The following HDAC9 variants were observed in gnomAD, a reference collection of about 807,000 sequenced individuals.
The protein encoded by HDAC9 is MEF-2 interacting transcription repressor (MITR) protein.
A neutral mutation model predicts 139.4 loss-of-function variants in HDAC9; 41 were observed. The ratio of observed to expected loss-of-function variants is 0.29; its 90% confidence interval spans 0.23 to 0.38. The LOEUF is 0.38. Among genes scored for constraint, HDAC9 ranks in the 10% least tolerant of loss-of-function variants. The probability of loss-of-function intolerance (pLI) is 1.00; values close to 1 mark genes in which losing one functional copy is unlikely to be tolerated. For missense variants in HDAC9, 1,147 were observed against 1,297.0 expected (o/e 0.88, Z 1.78); for synonymous variants, 517 against 476.2 (o/e 1.09, Z -1.12).
chr7:18,479,984 C>CTT lies in HDAC9; in HGVS notation c.-41-16261_-41-16260dup, dbSNP rs753734278. Among the ~76,000 whole-genome samples, 990 of 116,126 alleles carry CTT rather than the reference C, an allele frequency of 8.5e-3. 15 individuals carry two copies. Among genetic ancestry groups the CTT allele is most frequent in the African/African-American group, 0.029 (907 of 31,496 alleles). 76.2% of individuals were successfully genotyped at this position (116,126 alleles called of 152,430 possible). ...CTTTATTTTATAAATTCCACTCTGT[C>CTT]TTTTTTTTTTTTTTTTTTCTGGAAG... On this transcript the variant is annotated intron_variant, in intron 1 of 3. Coordinates refer to the HDAC9 transcript ENST00000413509.
rs74747904 is a variant in HDAC9 at position 18,678,103 on chromosome 7, T to C, written c.1731+11627T>C. On this transcript the variant is annotated intron_variant, in intron 12 of 25. Coordinates refer to ENST00000686413, the MANE Select transcript of HDAC9 (RefSeq NM_178425.4). ...TTCTGGTCTATTTGTTAGAAATCAA[T>C]TGAACATATAAATGTTAGCAGATTT... is the stretch of plus-strand genomic sequence containing the variant. Among the ~76,000 whole-genome samples the C allele has an allele frequency of 4.8e-3, 727 of 152,042 alleles. 6 individuals carry two copies. Among genetic ancestry groups the C allele is most frequent in the African/African-American group, 0.017 (690 of 41,550 alleles).
chr7:18,291,594 G>T (rs1043815414), intron 1 of HDAC9, among the ~76,000 whole-genome samples: 2 of 151,950 alleles, frequency 1.3e-5, no homozygotes, highest in Non-Finnish European at 2.9e-5. Flanking sequence ...GAAAGCCAAA[G>T]GTTGTATCTG....
chr7:18,508,876 G>T (rs1800597445), intron 2 of HDAC9, among the ~76,000 whole-genome samples: 1 of 152,096 alleles, frequency 6.6e-6, no homozygotes, highest in Non-Finnish European at 1.5e-5. Flanking sequence ...GTAGATCATG[G>T]GTCAAATCAC....
intron 12 of HDAC9, among the ~76,000 whole-genome samples, chr7:18,670,038 A>G (rs981113981): frequency 6.6e-6 from 1 of 151,828 alleles, no homozygotes; most frequent in Non-Finnish European, 1.5e-5. Context: ...AGATAGATAT[A>G]TATAGAGTAT....
intron 1 of HDAC9, among the ~76,000 whole-genome samples, chr7:18,132,368 A>T (rs1352879955): frequency 6.6e-6 from 1 of 152,156 alleles, no homozygotes; most frequent in Non-Finnish European, 1.5e-5. Flanking sequence ...GAATATATTC[A>T]AAAGTTGTGA....
At chr7:18,446,681 T>C (rs1302118195) in intron 1 of HDAC9, among the ~76,000 whole-genome samples, 1 of 152,230 alleles carries the variant, frequency 6.6e-6, no homozygotes, top group Non-Finnish European at 1.5e-5. Flanking sequence ...TTTACAAATA[T>C]ACACGTTCTT....
intron 12 of HDAC9, among the ~76,000 whole-genome samples, chr7:18,697,457 ATCTC>A (rs1184358703): frequency 1.5e-4 from 23 of 152,228 alleles, no homozygotes; most frequent in African/African-American, 5.1e-4. Context: ...CCTAGTCTCA[ATCTC>A]TCTTTCTTTG....
chr7:18,474,542 C>T (rs1412299237), intron 1 of HDAC9, among the ~76,000 whole-genome samples: 1 of 151,872 alleles, frequency 6.6e-6, no homozygotes, highest in Admixed American at 6.6e-5. Flanking sequence ...ATAGTTTTTT[C>T]CTTTGGGGGA....
chr7:18,610,750 C>T (rs1335278614), intron 6 of HDAC9, among the ~76,000 whole-genome samples: 1 of 152,190 alleles, frequency 6.6e-6, no homozygotes, highest in Non-Finnish European at 1.5e-5. Context: ...ATCGTAAGCA[C>T]TTCAACTCAA....
intron 11 of HDAC9, among the ~76,000 whole-genome samples, chr7:18,651,809 C>T (rs1363653610): frequency 6.6e-6 from 1 of 152,000 alleles, no homozygotes; most frequent in Admixed American, 6.6e-5. Flanking sequence ...TTGCCTCTTA[C>T]AGTTACGGTG....
intron 21 of HDAC9, among the ~76,000 whole-genome samples, chr7:18,867,516 A>G (rs1200086614): frequency 2.0e-5 from 3 of 152,222 alleles, no homozygotes; most frequent in Non-Finnish European, 2.9e-5. Context: ...TTAAAGTTTA[A>G]AAATAATTTT....
chr7:18,829,014 G>T, intron 17 of HDAC9, 147 bp from the exon 18 acceptor site: 1 of 668,088 alleles, frequency 1.5e-6, no homozygotes, highest in Non-Finnish European at 2.8e-6. Flanking sequence ...GACTGGCAAT[G>T]GGGGAACAAA....
At chr7:18,880,148 C>A (rs1260018418) in intron 22 of HDAC9, among the ~76,000 whole-genome samples, 2 of 151,920 alleles carry the variant, frequency 1.3e-5, no homozygotes, top group Admixed American at 1.3e-4. Flanking sequence ...AAGAAAAAGT[C>A]AAAAAATAAC....
chr7:18,696,278 CAA>C (rs1210304332), intron 12 of HDAC9, among the ~76,000 whole-genome samples: 1 of 150,250 alleles, frequency 6.7e-6, no homozygotes, highest in Non-Finnish European at 1.5e-5. Context: ...AATGTTGTCA[CAA>C]GATGCAAAAC....
At chr7:18,867,384 A>G (rs1798574307) in intron 21 of HDAC9, among the ~76,000 whole-genome samples, 1 of 152,198 alleles carries the variant, frequency 6.6e-6, no homozygotes, top group African/African-American at 2.4e-5. Context: ...GCTTTGCAAA[A>G]GTACATTGTC....
intron 6 of HDAC9, among the ~76,000 whole-genome samples, chr7:18,628,222 A>G (rs1288973005): frequency 6.6e-6 from 1 of 152,122 alleles, no homozygotes; most frequent in African/African-American, 2.4e-5. Context: ...AGTATTTAGA[A>G]TAGACTTATG....
chr7:18,497,418 G>A (rs1482483009), intron 2 of HDAC9, among the ~76,000 whole-genome samples: 1 of 152,082 alleles, frequency 6.6e-6, no homozygotes, highest in Non-Finnish European at 1.5e-5. Flanking sequence ...TCCCATATGG[G>A]GATCTATGTT....
At chr7:18,771,046 G>A (rs1790244794) in intron 16 of HDAC9, among the ~76,000 whole-genome samples, 2 of 152,144 alleles carry the variant, frequency 1.3e-5, no homozygotes, top group Admixed American at 1.3e-4. Context: ...GGTAGTGTCA[G>A]ACCCTTGATT....
chr7:18,886,139 T>C (rs559767827), intron 22 of HDAC9, among the ~76,000 whole-genome samples: 48 of 152,248 alleles, frequency 3.2e-4, no homozygotes, highest in South Asian at 1.7e-3. Context: ...TTTATTCAAG[T>C]GAATGAGTGC....
Sources: gnomAD v4.1 joint callset for allele counts (sites outside exome capture counted in the v4.1 genomes callset) on GRCh38, gnomAD v4.1.1 for gene constraint, MANE v1.5 for transcripts, NCBI Gene and HGNC (gene_info 2026-07-23, HGNC 2026-07-21) for gene names.